The following DDX19B variants were observed in gnomAD, a reference collection of about 807,000 sequenced individuals.
DDX19B encodes the protein DEAD-box helicase 19B.
In DDX19B, 27 loss-of-function variants were observed where a neutral mutation model predicts 58.1. That is an observed-to-expected ratio of 0.46 (90% CI 0.34 to 0.64). DDX19B has a LOEUF of 0.64. DDX19B is among the 30% of genes least tolerant of loss of function. DDX19B has a pLI of 0.01. For missense variants in DDX19B, 399 were observed against 596.5 expected (o/e 0.67, Z 3.45); for synonymous variants, 187 against 214.4 (o/e 0.87, Z 1.12).
At chr16:70,291,799 A>G (rs1391936755), upstream of DDX19B, among the ~76,000 whole-genome samples, 2 of 151,956 alleles carry the variant, frequency 1.3e-5, no homozygotes, top group Non-Finnish European at 2.9e-5. Flanking sequence ...CCGCAGAGCG[A>G]GACTTTGTCT....
In DDX19B at chr16:70,324,573, T is replaced by A; in HGVS notation, c.390-12T>A. The A allele has an allele frequency of 6.2e-7, 1 of 1,609,914 alleles. No individual in the cohort carries two copies. The highest frequency in any genetic ancestry group is 8.5e-7 in the Non-Finnish European group (1 of 1,178,912). ...GAGATTTAAGCTCCTAACTAGTTTG[T>A]TTCTTGCGCAGCCCACAGAACTTAA... On this transcript the variant is annotated splice_polypyrimidine_tract_variant and intron_variant, in intron 5 of 11. Transcript: ENST00000288071.
upstream of DDX19B, among the ~76,000 whole-genome samples, chr16:70,298,571 C>G (rs538449389): frequency 6.6e-6 from 1 of 152,054 alleles, no homozygotes; most frequent in Non-Finnish European, 1.5e-5. Context: ...TCACTGCAGC[C>G]TAGACCTCCT....
At chr16:70,314,803 A>G in intron 2 of DDX19B, 99 bp from the exon 3 acceptor site, 1 of 1,304,310 alleles carries the variant, frequency 7.7e-7, no homozygotes, top group Non-Finnish European at 1.1e-6. Flanking sequence ...TTTGCTCCCC[A>G]GGCCTTTACA....
chr16:70,312,652 C>T lies in DDX19B; in HGVS notation c.101C>T (p.Thr34Ile), dbSNP rs1962151908. 1.2e-6 allele frequency: 2 copies of T among 1,610,898 alleles called. No individual in the cohort carries two copies. The highest frequency in any genetic ancestry group is 1.3e-5 in the African/African-American group (1 of 74,834). Residue 34 changes from threonine to isoleucine, a missense_variant, in exon 2 of 12, where the codon ACC (threonine) becomes ATC (isoleucine). This residue lies in a region of DDX19B where 132 missense variants were observed against 159.4 expected (regional missense o/e 0.83). Coordinates refer to ENST00000288071, the MANE Select transcript of DDX19B (RefSeq NM_007242.7). Reference protein sequence around the residue: ...HLKEEKIKPDTNGAVVKTNAN... With the variant: ...HLKEEKIKPDINGAVVKTNAN... The stretch of plus-strand genomic sequence containing the variant: ...AAGGAAGAGAAAATCAAACCAGATA[C>T]CAATGGTAAGTAACTAATAGCTAGT...
upstream of DDX19B, among the ~76,000 whole-genome samples, chr16:70,293,636 G>A (rs1200606122): frequency 3.1e-5 from 3 of 97,772 alleles, no homozygotes; most frequent in Admixed American, 1.2e-4. Context: ...ACGGAGTCTC[G>A]CTCTGTCGCC....
chr16:70,296,995 A>G (rs935104421), upstream of DDX19B, among the ~76,000 whole-genome samples: 4 of 152,110 alleles, frequency 2.6e-5, no homozygotes, highest in Admixed American at 2.6e-4. Context: ...GGCTCACTGC[A>G]ACCTCCACCT....
intron 1 of DDX19B, among the ~76,000 whole-genome samples, chr16:70,310,438 G>C (rs989419722): frequency 6.6e-5 from 10 of 152,084 alleles, no homozygotes; most frequent in African/African-American, 2.4e-4. Flanking sequence ...CTACTTGGGA[G>C]GCTAAGGCAG....
chr16:70,294,806 A>C (rs1320629536), upstream of DDX19B: 1 of 1,438,852 alleles, frequency 6.9e-7, no homozygotes, highest in Non-Finnish European at 9.1e-7. Context: ...CAGTGCCAAG[A>C]GCAGCGGTTG....
chr16:70,314,351 C>CT (rs1247494342), intron 2 of DDX19B, among the ~76,000 whole-genome samples: 1 of 151,710 alleles, frequency 6.6e-6, no homozygotes, highest in Non-Finnish European at 1.5e-5. Flanking sequence ...GGAGAGGAGA[C>CT]CTAGAATAGG....
intron 5 of DDX19B, among the ~76,000 whole-genome samples, chr16:70,320,749 G>C (rs1962739740): frequency 6.6e-6 from 1 of 151,492 alleles, no homozygotes; most frequent in Non-Finnish European, 1.5e-5. Flanking sequence ...AGTAGAGATG[G>C]GGTTTCACCA....
chr16:70,306,304 AC>A (rs1961750193), intron 1 of DDX19B, among the ~76,000 whole-genome samples: 1 of 151,940 alleles, frequency 6.6e-6, no homozygotes, highest in African/African-American at 2.4e-5. Context: ...GGTGTGCACC[AC>A]CACACCTGGC....
At chr16:70,317,671 G>A in intron 5 of DDX19B, 83 bp downstream of exon 5, 1 of 1,281,556 alleles carries the variant, frequency 7.8e-7, no homozygotes, top group Non-Finnish European at 1.1e-6. Context: ...CAGCAAGGTG[G>A]CTTATGCCTA....
chr16:70,291,419 A>G (rs571434006), upstream of DDX19B, among the ~76,000 whole-genome samples: 82 of 152,322 alleles, frequency 5.4e-4, no homozygotes, highest in Non-Finnish European at 1.1e-3. Flanking sequence ...CTTTCAGAAT[A>G]AAATAATACA....
intron 5 of DDX19B, among the ~76,000 whole-genome samples, chr16:70,320,623 C>G (rs1962724641): frequency 6.6e-6 from 1 of 151,680 alleles, no homozygotes; most frequent in South Asian, 2.1e-4. Flanking sequence ...TCTTGGCTCA[C>G]TGTAACCACC....
rs1253915836 is a variant in DDX19B, at chr16:70,333,566, A to G, written c.1424A>G (p.Glu475Gly). ...RLDTDDLDEI[E>G]KIAN ...GACACAGATGATTTGGACGAGATTGAGAAAATAGCCAACTGAGAAGCTCCA... is the reference window on the plus strand; with the variant it reads ...GACACAGATGATTTGGACGAGATTGGGAAAATAGCCAACTGAGAAGCTCCA... The change falls in exon 12 of 12, where the codon GAG becomes GGG. Residue 475 changes from glutamate to glycine, a missense_variant. Coordinates refer to ENST00000288071, the MANE Select transcript of DDX19B (RefSeq NM_007242.7). 1 of 1,613,998 alleles carries G rather than the reference A, an allele frequency of 6.2e-7. No homozygotes were observed. The highest frequency in any genetic ancestry group is 1.1e-5 in the South Asian group (1 of 91,078).
At chr16:70,307,133 T>C (rs943799516) in intron 1 of DDX19B, among the ~76,000 whole-genome samples, 2 of 152,230 alleles carry the variant, frequency 1.3e-5, no homozygotes, top group African/African-American at 4.8e-5. Flanking sequence ...TTCTGGACAT[T>C]TGGATTATTT....
At chr16:70,314,849 A>C (rs779049874) in intron 2 of DDX19B, 53 bp from the exon 3 acceptor site, 2 of 1,590,604 alleles carry the variant, frequency 1.3e-6, no homozygotes, top group Admixed American at 3.4e-5. Context: ...AATTGTCTCA[A>C]CTGTTGGGTA....
upstream of DDX19B, among the ~76,000 whole-genome samples, chr16:70,292,033 C>G (rs985573667): frequency 6.6e-6 from 1 of 152,052 alleles, no homozygotes; most frequent in Non-Finnish European, 1.5e-5. Flanking sequence ...CGCCTGTAGT[C>G]CCAGCTGCTC....
upstream of DDX19B, among the ~76,000 whole-genome samples, chr16:70,298,242 T>C (rs1216819617): frequency 2.0e-5 from 3 of 151,686 alleles, no homozygotes; most frequent in African/African-American, 7.3e-5. Context: ...ACCATCTCTA[T>C]TAAAAATAGA....
Sources: gnomAD v4.1 joint callset for allele counts (sites outside exome capture counted in the v4.1 genomes callset) on GRCh38, gnomAD v4.1.1 for gene constraint, gnomAD v4.1.1 regional missense constraint, MANE v1.5 for transcripts, NCBI Gene and HGNC (gene_info 2026-07-23, HGNC 2026-07-21) for gene names.